The following CAMK2D variants were observed in gnomAD, a reference collection of about 807,000 sequenced individuals.
The protein encoded by CAMK2D is calcium/calmodulin-dependent protein kinase type II subunit delta.
CAMK2D carries 37 observed loss-of-function variants against 84.0 expected under a neutral mutation model. That is an observed-to-expected ratio of 0.44 (90% CI 0.34 to 0.58). The LOEUF is 0.58. CAMK2D is among the 20% of genes least tolerant of loss of function. The probability of loss-of-function intolerance (pLI) is 0.02; values close to 1 mark genes in which losing one functional copy is unlikely to be tolerated. For missense variants in CAMK2D, 448 were observed against 652.5 expected (o/e 0.69, Z 3.41); for synonymous variants, 202 against 212.5 (o/e 0.95, Z 0.43).
chr4:113,551,468 T>A (rs922098792), intron 5 of CAMK2D, among the ~76,000 whole-genome samples: 7 of 152,164 alleles, frequency 4.6e-5, no homozygotes, highest in Non-Finnish European at 7.4e-5. Context: ...ACTGAGACTT[T>A]TTTCAGGCTG....
chr4:113,583,430 A>T (rs969983801), intron 4 of CAMK2D, among the ~76,000 whole-genome samples: 6 of 152,230 alleles, frequency 3.9e-5, no homozygotes, highest in Non-Finnish European at 7.3e-5. Flanking sequence ...AAAAGGTTAA[A>T]GTTCCAATTT....
rs908417136 is a variant in CAMK2D at position 113,568,749 on chromosome 4, TTTTGTTTG to T, written c.276-16661_276-16654del. ...TGGCCAACACTTGTTACTTTCCATCTTTTGTTTGTTTGTTTGTTTTGTTTTTATAATAG... is the reference window on the plus strand; with the variant it reads ...TGGCCAACACTTGTTACTTTCCATCTTTTGTTTGTTTTGTTTTTATAATAG... On this transcript the variant is annotated intron_variant, in intron 4 of 20. Coordinates refer to ENST00000511664, the MANE Select transcript of CAMK2D (RefSeq NM_001321571.2). 9.2e-5 allele frequency among the ~76,000 whole-genome samples: 14 copies of T among 152,206 alleles called. 1 individual carries two copies. Among genetic ancestry groups the T allele is most frequent in the Admixed American group, 2.0e-4 (3 of 15,284 alleles).
At chr4:113,544,904 T>A (rs901624209) in intron 6 of CAMK2D, among the ~76,000 whole-genome samples, 3 of 151,916 alleles carry the variant, frequency 2.0e-5, no homozygotes, top group African/African-American at 7.2e-5. Flanking sequence ...CTGACTCTTC[T>A]CCTATTGCTT....
intron 2 of CAMK2D, among the ~76,000 whole-genome samples, chr4:113,747,305 C>CTTTT (rs56062730): frequency 0.014 from 1,556 of 114,254 alleles, 25 homozygotes; most frequent in African/African-American, 0.035. Context: ...GAATTTTGAA[C>CTTTT]TTTTTTTTTT....
intron 4 of CAMK2D, among the ~76,000 whole-genome samples, chr4:113,565,924 C>T (rs555527082): frequency 6.6e-6 from 1 of 152,210 alleles, no homozygotes; most frequent in South Asian, 2.1e-4. Context: ...AGTTTAGATG[C>T]ACTTTTGGAA....
intron 3 of CAMK2D, among the ~76,000 whole-genome samples, chr4:113,613,892 G>C (rs185058439): frequency 6.2e-4 from 95 of 152,110 alleles, no homozygotes; most frequent in Non-Finnish European, 9.6e-4. Flanking sequence ...GCGAGAGAGA[G>C]CGAGCGAGAG....
At chr4:113,548,492 G>A (rs1039665370) in intron 5 of CAMK2D, among the ~76,000 whole-genome samples, 3 of 152,116 alleles carry the variant, frequency 2.0e-5, no homozygotes, top group African/African-American at 7.2e-5. Flanking sequence ...GCCTGTAGAT[G>A]AGCAAACTGG....
At chr4:113,578,924 G>C (rs946433501) in intron 4 of CAMK2D, among the ~76,000 whole-genome samples, 1 of 152,160 alleles carries the variant, frequency 6.6e-6, no homozygotes, top group Non-Finnish European at 1.5e-5. Flanking sequence ...ATAAAACTGA[G>C]TATATCTGAA....
At position 113,451,367 on chromosome 4, in the gene CAMK2D, G is replaced by C. The variant is rs963746490; in HGVS notation, c.*3178C>G. 1 of 152,082 alleles carries C rather than the reference G, an allele frequency of 6.6e-6. No homozygotes were observed. The highest frequency in any genetic ancestry group is 2.4e-5 in the African/African-American group (1 of 41,398). 9.4% of individuals were successfully genotyped at this position (152,082 alleles called of 1,614,324 possible). The stretch of plus-strand genomic sequence containing the variant: ...CGTGAGCAAAGAATAATAACAATAG[G>C]AATATTAATGTCAGTGATCAGAATA... On this transcript the variant is annotated 3_prime_UTR_variant, in exon 21 of 21. Transcript: ENST00000511664.
chr4:113,489,662 T>C (rs1354489032), intron 16 of CAMK2D, among the ~76,000 whole-genome samples: 5 of 149,854 alleles, frequency 3.3e-5, no homozygotes, highest in African/African-American at 1.2e-4. Context: ...CACCCAGTAA[T>C]GGGATGGCTG....
chr4:113,607,120 GAA>G lies in CAMK2D; in HGVS notation c.275+2030_275+2031del, dbSNP rs576647102. On this transcript the variant is annotated intron_variant, in intron 4 of 20. Transcript: ENST00000511664. ...TGTTGCTAGCATACCTATCCTAAAA[GAA>G]TGGCTAAAGAAAGCTCAAGAAAAAA... Among the ~76,000 whole-genome samples, 9 of 151,746 alleles carry G rather than the reference GAA, an allele frequency of 5.9e-5. No individual in the cohort carries two copies. In the East Asian group the frequency reaches 1.7e-3, roughly 29 times the overall value.
intron 4 of CAMK2D, among the ~76,000 whole-genome samples, chr4:113,591,887 T>C (rs946810716): frequency 6.6e-6 from 1 of 152,196 alleles, no homozygotes; most frequent in Non-Finnish European, 1.5e-5. Flanking sequence ...TTAGACACCA[T>C]TTCCTTCTGG....
intron 3 of CAMK2D, among the ~76,000 whole-genome samples, chr4:113,617,544 T>G (rs918735152): frequency 6.6e-6 from 1 of 151,948 alleles, no homozygotes; most frequent in Non-Finnish European, 1.5e-5. Context: ...ATCAGAAATT[T>G]TGATGATTAT....
chr4:113,575,414 G>A (rs2098775909), intron 4 of CAMK2D, among the ~76,000 whole-genome samples: 1 of 151,998 alleles, frequency 6.6e-6, no homozygotes, highest in Admixed American at 6.6e-5. Flanking sequence ...TAATTTTGAT[G>A]GCTACAACAA....
intron 3 of CAMK2D, among the ~76,000 whole-genome samples, chr4:113,644,403 G>A (rs1253266216): frequency 6.6e-6 from 1 of 152,170 alleles, no homozygotes; most frequent in Non-Finnish European, 1.5e-5. Flanking sequence ...TAGATCATCA[G>A]TTCCCAAGGA....
Position 113,547,735 on chromosome 4 carries a change from G to A in CAMK2D, c.342-19C>T, listed in dbSNP as rs371824701. The A allele has an allele frequency of 5.1e-4, 773 of 1,518,196 alleles. 1 individual carries two copies. Among genetic ancestry groups the A allele is most frequent in the Non-Finnish European group, 6.1e-4 (691 of 1,129,616 alleles). 94.0% of individuals were successfully genotyped at this position (1,518,196 alleles called of 1,614,324 possible). A position where few individuals can be genotyped will look rare whatever the true frequency, so the allele number is the denominator to read the frequency against. On this transcript the variant is annotated intron_variant, in intron 5 of 20. Transcript: ENST00000511664. ...GCAATGACTGCATGCAAACACCAGGGGGCGTGTGTTAGTTCCAAGCTTACA... is the reference window on the plus strand; with the variant it reads ...GCAATGACTGCATGCAAACACCAGGAGGCGTGTGTTAGTTCCAAGCTTACA...
At chr4:113,564,638 G>A (rs944855748) in intron 4 of CAMK2D, among the ~76,000 whole-genome samples, 1 of 152,070 alleles carries the variant, frequency 6.6e-6, no homozygotes, top group African/African-American at 2.4e-5. Context: ...CATTGCCTGA[G>A]ACATATTAGC....
intron 2 of CAMK2D, among the ~76,000 whole-genome samples, chr4:113,705,261 A>C (rs1259423650): frequency 2.0e-5 from 3 of 148,398 alleles, no homozygotes; most frequent in Non-Finnish European, 4.4e-5. Flanking sequence ...CAGGAGGCGG[A>C]GCTTGCGGTG....
chr4:113,499,942 A>G (rs978430865), intron 16 of CAMK2D, among the ~76,000 whole-genome samples: 1 of 152,180 alleles, frequency 6.6e-6, no homozygotes, highest in Non-Finnish European at 1.5e-5. Context: ...AACCTTGGCA[A>G]CCAAAGTGAA....
Sources: allele counts gnomAD v4.1 joint callset (sites outside exome capture counted in the v4.1 genomes callset), GRCh38; gene constraint gnomAD v4.1.1; transcripts MANE v1.5; gene names NCBI Gene and HGNC (gene_info 2026-07-23, HGNC 2026-07-21).